The following TENM2 variants were observed in gnomAD, a reference collection of about 807,000 sequenced individuals.
TENM2 encodes the protein teneurin-2.
TENM2 carries 52 observed loss-of-function variants against 245.2 expected under a neutral mutation model. The observed-to-expected ratio is 0.21, with a 90% CI of 0.17 to 0.27. TENM2 has a LOEUF of 0.27. Ranked by LOEUF, TENM2 falls within the 10% of genes least tolerant of loss-of-function variation. The pLI, the probability that TENM2 is intolerant of heterozygous loss-of-function variation, is 1.00. For synonymous variants in TENM2, 1,363 were observed against 1,438.9 expected (o/e 0.95, Z 1.19); for missense variants, 3,046 against 3,666.8 (o/e 0.83, Z 4.37).
intron 16 of TENM2, 56 bp from the exon 19 acceptor site, chr5:168,199,808 A>C: frequency 1.3e-6 from 2 of 1,566,602 alleles, no homozygotes; most frequent in South Asian, 1.2e-5. Flanking sequence ...TCGGGGTTAC[A>C]GTTTACCTGC....
intron 2 of TENM2, among the ~76,000 whole-genome samples, chr5:167,674,220 ACT>A (rs1414742309): frequency 4.6e-5 from 7 of 152,024 alleles, no homozygotes; most frequent in Non-Finnish European, 8.8e-5. Context: ...AGTTTAGTCA[ACT>A]CAGCTGCCCT....
At chr5:167,433,117 A>AT (rs11383544) in intron 2 of TENM2, among the ~76,000 whole-genome samples, 61 of 149,182 alleles carry the variant, frequency 4.1e-4, no homozygotes, top group African/African-American at 1.2e-3. Flanking sequence ...TAAATATTGA[A>AT]TTTTTTTTTT....
intron 3 of TENM2, among the ~76,000 whole-genome samples, chr5:167,911,508 C>T (rs926598184): frequency 6.6e-6 from 1 of 152,210 alleles, no homozygotes; most frequent in African/African-American, 2.4e-5. Flanking sequence ...GCCTGGGCGA[C>T]AGAGCGAGAC....
chr5:167,848,945 T>C (rs1339635117), intron 2 of TENM2, among the ~76,000 whole-genome samples: 3 of 152,188 alleles, frequency 2.0e-5, no homozygotes, highest in Non-Finnish European at 4.4e-5. Context: ...CCACATTGTA[T>C]ATTGTGTTAG....
chr5:167,344,679 C>A (rs1758351561), intron 1 of TENM2, among the ~76,000 whole-genome samples: 1 of 152,194 alleles, frequency 6.6e-6, no homozygotes, highest in African/African-American at 2.4e-5. Context: ...TCTAATAACT[C>A]AATTTCTCAT....
chr5:167,345,248 C>T (rs747709792), intron 1 of TENM2, among the ~76,000 whole-genome samples: 20 of 152,172 alleles, frequency 1.3e-4, no homozygotes, highest in African/African-American at 3.1e-4. Context: ...CTTCACGTCA[C>T]GATTGCATGA....
the TENM2 span, among the ~76,000 whole-genome samples, chr5:167,195,482 C>G: frequency 6.6e-6 from 1 of 151,980 alleles, no homozygotes; most frequent in Non-Finnish European, 1.5e-5. Flanking sequence ...TGGTCTCTAT[C>G]ACAACTACTC....
intron 1 of TENM2, among the ~76,000 whole-genome samples, chr5:167,292,718 C>T (rs1057129418): frequency 6.6e-6 from 1 of 152,162 alleles, no homozygotes; most frequent in Non-Finnish European, 1.5e-5. Flanking sequence ...CCTCACAGAA[C>T]CTGGCAGTTT....
chr5:167,736,919 A>C (rs868151581), intron 2 of TENM2, among the ~76,000 whole-genome samples: 99 of 152,242 alleles, frequency 6.5e-4, no homozygotes, highest in Middle Eastern at 6.8e-3. Flanking sequence ...TAGCCAGTGA[A>C]CTAGCCTGGT....
chr5:167,170,345 C>A, the TENM2 span, among the ~76,000 whole-genome samples: 1 of 152,226 alleles, frequency 6.6e-6, no homozygotes, highest in Admixed American at 6.5e-5. Flanking sequence ...GCAAAGCAAA[C>A]TTCTGCATAA....
At chr5:168,082,829 G>C (rs1792121197) in intron 7 of TENM2, among the ~76,000 whole-genome samples, 1 of 152,108 alleles carries the variant, frequency 6.6e-6, no homozygotes, top group East Asian at 1.9e-4. Context: ...GTCTCAGATG[G>C]GCATCTGGCT....
the TENM2 span, among the ~76,000 whole-genome samples, chr5:166,979,929 C>T: frequency 7.9e-5 from 12 of 152,048 alleles, no homozygotes; most frequent in Non-Finnish European, 1.3e-4. Context: ...TATCGTTCTC[C>T]AGGATTACAA....
intron 2 of TENM2, among the ~76,000 whole-genome samples, chr5:167,461,705 A>T (rs978357239): frequency 2.6e-5 from 4 of 152,218 alleles, no homozygotes; most frequent in African/African-American, 9.6e-5. Context: ...AAAATCAGCA[A>T]CCAAGGCTCT....
At chr5:167,505,744 C>G (rs930313678) in intron 2 of TENM2, among the ~76,000 whole-genome samples, 2 of 152,058 alleles carry the variant, frequency 1.3e-5, no homozygotes, top group African/African-American at 4.8e-5. Flanking sequence ...TTAGGACAGG[C>G]AGGCATAAAT....
At chr5:167,367,242 G>A (rs1015576852) in intron 1 of TENM2, among the ~76,000 whole-genome samples, 1 of 152,086 alleles carries the variant, frequency 6.6e-6, no homozygotes, top group Non-Finnish European at 1.5e-5. Context: ...GTTACAAATT[G>A]TAAATGTTTG....
Position 167,546,611 on chromosome 5 carries a change from A to G in TENM2, c.502+171138A>G, listed in dbSNP as rs114010999. ...GCGATGTAAACCTAAATTAGGAAAG[A>G]GAGGGTAGGATTGATCGTGAATGGG... On this transcript the variant is annotated intron_variant, in intron 2 of 28. Transcript: ENST00000518659. Among the ~76,000 whole-genome samples, 410 of 152,288 alleles carry G rather than the reference A, an allele frequency of 2.7e-3. 1 individual carries two copies. Among genetic ancestry groups the G allele is most frequent in the African/African-American group, 9.3e-3 (385 of 41,562 alleles).
chr5:167,985,484 T>A (rs2151982422), intron 4 of TENM2, among the ~76,000 whole-genome samples: 1 of 152,344 alleles, frequency 6.6e-6, no homozygotes, highest in East Asian at 1.9e-4. Flanking sequence ...AAACGTTTGC[T>A]GCCGCAGACT....
intron 2 of TENM2, among the ~76,000 whole-genome samples, chr5:167,624,292 A>G (rs987318410): frequency 6.6e-6 from 1 of 152,184 alleles, no homozygotes; most frequent in Non-Finnish European, 1.5e-5. Flanking sequence ...GCTGCAGATC[A>G]TTATTCTAAG....
chr5:168,205,929 A>T (rs539099871), intron 19 of TENM2, among the ~76,000 whole-genome samples: 1 of 152,302 alleles, frequency 6.6e-6, no homozygotes, highest in South Asian at 2.1e-4. Context: ...AGCTGCAGCG[A>T]TTGTCCAGGA....
Sources: allele counts gnomAD v4.1 joint callset (sites outside exome capture counted in the v4.1 genomes callset), GRCh38; gene constraint gnomAD v4.1.1; transcripts MANE v1.5; gene names NCBI Gene and HGNC (gene_info 2026-07-23, HGNC 2026-07-21).